Variants in TEAD1 observed in about 807,000 individuals in gnomAD.
TEAD1 encodes transcriptional enhancer factor TEF-1.
Under a neutral mutation model 54.9 loss-of-function variants are expected in TEAD1, and 9 were observed. The ratio of observed to expected loss-of-function variants is 0.16; its 90% CI spans 0.10 to 0.29. The LOEUF (loss-of-function observed/expected upper bound fraction) is 0.29, where lower values mean the gene tolerates loss of function less well. Ranked by LOEUF, TEAD1 falls within the 10% of genes least tolerant of loss-of-function variation. The pLI, the probability that TEAD1 is intolerant of heterozygous loss-of-function variation, is 1.00. For missense variants in TEAD1, 387 were observed against 535.9 expected (o/e 0.72, Z 2.74); for synonymous variants, 200 against 187.8 (o/e 1.07, Z -0.53).
chr11:12,830,335 C>T (rs1280625416), intron 3 of TEAD1, among the ~76,000 whole-genome samples: 1 of 151,922 alleles, frequency 6.6e-6, no homozygotes, highest in Non-Finnish European at 1.5e-5. Context: ...AGCAAGGGGC[C>T]CAGAAGTAGG....
chr11:12,839,649 C>G (rs191980607), intron 3 of TEAD1, among the ~76,000 whole-genome samples: 173 of 152,166 alleles, frequency 1.1e-3, no homozygotes, highest in Non-Finnish European at 2.2e-3. Flanking sequence ...AGAAGTGATG[C>G]CAGAATGTGG....
At chr11:12,700,792 C>G (rs1943684029) in intron 2 of TEAD1, among the ~76,000 whole-genome samples, 1 of 152,116 alleles carries the variant, frequency 6.6e-6, no homozygotes, top group Non-Finnish European at 1.5e-5. Flanking sequence ...ATATTTGAGG[C>G]CTTTAATGCA....
In TEAD1 at chr11:12,916,380, T is replaced by C. The variant is rs551902338; in HGVS notation, c.874-8532T>C. ...CCATGGTGACAGTCTTTATCGTGTT[T>C]ATTGATTACAGACTCTTGTCTCGTT... is the stretch of plus-strand genomic sequence containing the variant. On this transcript the variant is annotated intron_variant, in intron 10 of 12. Transcript: ENST00000527636. Among the ~76,000 whole-genome samples the C allele has an allele frequency of 1.8e-4, 28 of 152,278 alleles. No homozygotes were observed. In the South Asian group the frequency reaches 5.8e-3, roughly 32 times the overall value.
intron 2 of TEAD1, among the ~76,000 whole-genome samples, chr11:12,738,956 C>T: frequency 6.6e-6 from 1 of 152,128 alleles, no homozygotes; most frequent in East Asian, 1.9e-4. Context: ...GATATAAGGG[C>T]ATGGTGCTGT....
chr11:12,751,893 T>A (rs1944878490), intron 2 of TEAD1, among the ~76,000 whole-genome samples: 1 of 152,184 alleles, frequency 6.6e-6, no homozygotes, highest in East Asian at 1.9e-4. Flanking sequence ...CCAGTGTGGC[T>A]CAGTGCACTT....
chr11:12,926,198 G>C lies in TEAD1; in HGVS notation c.1014+1146G>C, dbSNP rs572957335. Among the ~76,000 whole-genome samples the C allele has an allele frequency of 2.6e-5, 4 of 152,314 alleles. No homozygotes were observed. In the East Asian group the frequency reaches 7.7e-4, roughly 29 times the overall value. ...AAAGACTTTGTGCTGAGGAGGGAGA[G>C]AGGGAGAAGGATATATTTCTTAAGA... On this transcript the variant is annotated intron_variant, in intron 11 of 12. Transcript: ENST00000527636.
At chr11:12,702,146 G>A (rs6486032) in intron 2 of TEAD1, among the ~76,000 whole-genome samples, 67,719 of 152,030 alleles carry the variant, frequency 0.45, 16,169 homozygotes, top group African/African-American at 0.62. Context: ...GAAATGGTCA[G>A]TTTCCCTCTC....
At chr11:12,842,855 A>C (rs1270273858) in intron 3 of TEAD1, among the ~76,000 whole-genome samples, 1 of 152,234 alleles carries the variant, frequency 6.6e-6, no homozygotes, top group African/African-American at 2.4e-5. Flanking sequence ...TAAGCATCAA[A>C]GCCTTTTCTA....
intron 3 of TEAD1, 100 bp downstream of exon 3, chr11:12,764,534 G>A: frequency 7.2e-7 from 1 of 1,381,718 alleles, no homozygotes. Flanking sequence ...CATTGTATGG[G>A]GTTGAGTGAT....
intron 2 of TEAD1, among the ~76,000 whole-genome samples, chr11:12,712,727 G>C (rs991584995): frequency 1.3e-5 from 2 of 152,170 alleles, no homozygotes; most frequent in African/African-American, 4.8e-5. Flanking sequence ...TAAAATGAGA[G>C]ACCAGACTTT....
intron 2 of TEAD1, among the ~76,000 whole-genome samples, chr11:12,682,624 C>G (rs1249420474): frequency 6.6e-6 from 1 of 152,152 alleles, no homozygotes; most frequent in Non-Finnish European, 1.5e-5. Flanking sequence ...CTTCCCTTCA[C>G]CTTGGGCACT....
intron 2 of TEAD1, among the ~76,000 whole-genome samples, chr11:12,737,808 C>T (rs1464395608): frequency 2.0e-5 from 3 of 152,216 alleles, no homozygotes; most frequent in South Asian, 4.2e-4. Flanking sequence ...AGAGAAGCAT[C>T]GTAAGGGTGA....
At chr11:12,915,751 G>A (rs1948700898) in intron 10 of TEAD1, among the ~76,000 whole-genome samples, 1 of 152,194 alleles carries the variant, frequency 6.6e-6, no homozygotes. Flanking sequence ...GGCTGAGGCA[G>A]TAGAATCTCT....
At chr11:12,881,869 CTCTG>C (rs1947978008) in intron 7 of TEAD1, 23 bp from the exon 8 acceptor site, 1 of 1,613,228 alleles carries the variant, frequency 6.2e-7, no homozygotes, top group Non-Finnish European at 8.5e-7. Flanking sequence ...GATCTCTTAA[CTCTG>C]TCTGCCATCT....
chr11:12,697,894 G>A (rs548923551), intron 2 of TEAD1, among the ~76,000 whole-genome samples: 1 of 152,080 alleles, frequency 6.6e-6, no homozygotes, highest in African/African-American at 2.4e-5. Context: ...ATGGTGGCAG[G>A]CACCTATAAT....
intron 2 of TEAD1, among the ~76,000 whole-genome samples, chr11:12,687,061 C>T (rs77011255): frequency 1.3e-5 from 2 of 152,236 alleles, no homozygotes; most frequent in Non-Finnish European, 2.9e-5. Context: ...ACTTCTAGCT[C>T]GTGTGGAAGG....
At chr11:12,734,439 T>C (rs1416767662) in intron 2 of TEAD1, among the ~76,000 whole-genome samples, 1 of 152,144 alleles carries the variant, frequency 6.6e-6, no homozygotes, top group Non-Finnish European at 1.5e-5. Context: ...ATAAATTTAG[T>C]GTGGCATAAG....
chr11:12,812,627 A>T (rs756559316), intron 3 of TEAD1, among the ~76,000 whole-genome samples: 2 of 152,232 alleles, frequency 1.3e-5, no homozygotes, highest in Non-Finnish European at 2.9e-5. Context: ...AGAATATCTA[A>T]TATAAAACCT....
chr11:12,838,386 G>C (rs1054223108), intron 3 of TEAD1, among the ~76,000 whole-genome samples: 3 of 152,112 alleles, frequency 2.0e-5, no homozygotes, highest in Admixed American at 2.0e-4. Flanking sequence ...TTTACTTTTC[G>C]ATTGTGTAAT....
Sources: allele counts gnomAD v4.1 joint callset (sites outside exome capture counted in the v4.1 genomes callset), GRCh38; gene constraint gnomAD v4.1.1; transcripts MANE v1.5; gene names NCBI Gene and HGNC (gene_info 2026-07-23, HGNC 2026-07-21).